ACSF3: variants seen among roughly 807,000 people sequenced by gnomAD.
The protein encoded by ACSF3 is malonate--CoA ligase ACSF3, mitochondrial.
Under a neutral mutation model 53.2 loss-of-function variants are expected in ACSF3, and 78 were observed. The ratio of observed to expected loss-of-function variants is 1.47; its 90% CI spans 1.22 to 1.77. The LOEUF (loss-of-function observed/expected upper bound fraction) is 1.77, where lower values mean the gene tolerates loss of function less well. ACSF3 is among the 40% of genes most tolerant of loss of function. ACSF3 has a pLI of 0.00. For missense variants in ACSF3, 937 were observed against 771.1 expected, an observed-to-expected ratio of 1.22 and a Z score of -2.55; for synonymous variants, 414 against 333.1, an observed-to-expected ratio of 1.24 and a Z score of -2.65.
At position 89,136,897 on chromosome 16, in the gene ACSF3, C is replaced by T. The variant is rs368249635; in HGVS notation, c.1366+3635C>T. The T allele has an allele frequency of 6.5e-5, 80 of 1,229,518 alleles. No individual in the cohort carries two copies. The East Asian group carries it at 2.3e-3, about 36-fold the overall frequency. The allele number at this position is 1,229,518 out of a possible 1,614,324, so 76.2% of individuals were successfully genotyped here. ...GGTCTGTCTCAGGTAACTCCTCTGA[C>T]GGCCACAACGATGTCTTCAGACGTC... is the stretch of plus-strand genomic sequence containing the variant. On this transcript the variant is annotated intron_variant, in intron 8 of 10. Transcript: ENST00000614302.
At chr16:89,099,687 C>A (rs1049761339) in intron 2 of ACSF3, among the ~76,000 whole-genome samples, 7 of 151,990 alleles carry the variant, frequency 4.6e-5, no homozygotes, top group African/African-American at 1.7e-4. Flanking sequence ...GAGGCTGAGG[C>A]AGGAGAATCA....
intron 4 of ACSF3, among the ~76,000 whole-genome samples, chr16:89,106,174 G>T (rs1975958827): frequency 6.6e-6 from 1 of 152,258 alleles, no homozygotes; most frequent in Admixed American, 6.5e-5. Context: ...AGACACTGCA[G>T]ACTGGCTCAT....
chr16:89,103,184 C>T (rs777295722), intron 4 of ACSF3, among the ~76,000 whole-genome samples: 19 of 152,232 alleles, frequency 1.2e-4, no homozygotes, highest in Non-Finnish European at 2.8e-4. Context: ...TCATTGAAAC[C>T]GTGAATAGTG....
chr16:89,132,957 G>A (rs1005234789), intron 7 of ACSF3, among the ~76,000 whole-genome samples, 179 bp from the exon 8 acceptor site: 1 of 152,252 alleles, frequency 6.6e-6, no homozygotes, highest in Non-Finnish European at 1.5e-5. Context: ...AGCTCAGCAT[G>A]GTTGGCTTCC....
chr16:89,144,814 GAA>G (rs1567745084), intron 8 of ACSF3, among the ~76,000 whole-genome samples: 5 of 152,212 alleles, frequency 3.3e-5, no homozygotes, highest in Non-Finnish European at 7.4e-5. Context: ...TTGTTGCTCA[GAA>G]AAGGCCACGC....
At chr16:89,127,669 G>T (rs1021637063) in intron 7 of ACSF3, among the ~76,000 whole-genome samples, 1 of 151,956 alleles carries the variant, frequency 6.6e-6, no homozygotes, top group African/African-American at 2.4e-5. Context: ...CCCTACCAAC[G>T]TTTCTTTTTT....
chr16:89,106,795 C>A (rs542400552), intron 4 of ACSF3, among the ~76,000 whole-genome samples: 1 of 152,206 alleles, frequency 6.6e-6, no homozygotes, highest in African/African-American at 2.4e-5. Flanking sequence ...CAGACACCTG[C>A]GGTGGTGCTG....
intron 1 of ACSF3, among the ~76,000 whole-genome samples, chr16:89,096,988 G>A (rs1194037944): frequency 1.3e-5 from 2 of 150,286 alleles, no homozygotes; most frequent in African/African-American, 5.1e-5. Flanking sequence ...TGCACTTTGA[G>A]TTTGCCCAGC....
intron 10 of ACSF3, chr16:89,152,992 G>C (rs1189773228): frequency 2.6e-5 from 4 of 152,332 alleles, no homozygotes; most frequent in Admixed American, 2.6e-4. Flanking sequence ...GGGCTGGGCC[G>C]ACTCCCACCT....
intron 6 of ACSF3, among the ~76,000 whole-genome samples, chr16:89,120,128 G>A (rs536617954): frequency 1.3e-5 from 2 of 152,358 alleles, no homozygotes; most frequent in Admixed American, 1.3e-4. Context: ...TGCGTGTGCC[G>A]GCGGGACACG....
intron 2 of ACSF3, among the ~76,000 whole-genome samples, chr16:89,099,080 G>A (rs541974568): frequency 2.0e-5 from 3 of 152,362 alleles, no homozygotes; most frequent in Non-Finnish European, 2.9e-5. Flanking sequence ...ACTGTGAGTC[G>A]AGCAAAGCTT....
At chr16:89,136,906 C>T (rs1025180484) in intron 8 of ACSF3, 12 of 1,224,348 alleles carry the variant, frequency 9.8e-6, no homozygotes, top group South Asian at 1.4e-5. Context: ...ACGGCCACAA[C>T]GATGTCTTCA....
chr16:89,117,371 C>G (rs1273348587), intron 6 of ACSF3, among the ~76,000 whole-genome samples: 1 of 152,176 alleles, frequency 6.6e-6, no homozygotes, highest in Non-Finnish European at 1.5e-5. Context: ...GTGACCTCTT[C>G]AATGGCCCTC....
At chr16:89,111,588 C>T (rs1302792426) in intron 4 of ACSF3, among the ~76,000 whole-genome samples, 2 of 152,266 alleles carry the variant, frequency 1.3e-5, no homozygotes, top group African/African-American at 4.8e-5. Context: ...ACGCGAGAAC[C>T]CGCTAACGAG....
intron 10 of ACSF3, chr16:89,147,883 T>C (rs536702860): frequency 6.6e-6 from 1 of 152,136 alleles, no homozygotes; most frequent in African/African-American, 2.4e-5. Flanking sequence ...AAGTCCACAG[T>C]CCAAAGTCTC....
In ACSF3 at chr16:89,114,453, G is replaced by C. The variant is rs775808630; in HGVS notation, c.1092G>C (p.Leu364=). 9.9e-6 allele frequency: 16 copies of C among 1,613,206 alleles called. No individual in the cohort carries two copies. The highest frequency in any genetic ancestry group is 8.3e-5 in the Admixed American group (5 of 60,014). ...GCATGACCGAGATCGGCATGGCTCT[G>C]TCCGGGCCCCTGACCACTGCCGTGC... is the stretch of plus-strand genomic sequence containing the variant. ...RYGMTEIGMA[L]SGPLTTAVRL... The change falls in exon 6 of 11, where the codon CTG becomes CTC. Residue 364 remains leucine (L), a synonymous_variant. Transcript: ENST00000614302.
rs575978814 is a variant in ACSF3, at chr16:89,098,762, G to C, written c.-22G>C. 80 of 454,050 alleles carry C rather than the reference G, an allele frequency of 1.8e-4. No individual in the cohort carries two copies. The highest frequency in any genetic ancestry group is 4.7e-4 in the South Asian group (30 of 64,488). The allele number at this position is 454,050 out of a possible 1,614,324, so 28.1% of individuals were successfully genotyped here. On this transcript the variant is annotated splice_region_variant and 5_prime_UTR_variant, in exon 2 of 11. Transcript: ENST00000614302. ...ACCTCCTCTCTCTGGCTCGGGAGCT[G>C]GGTGAGTTTGAACTTGGCCTCCTTT...
rs1384948798 is a variant in ACSF3 at position 89,102,764 on chromosome 16, G to T, written c.822+5G>T. 3 of 1,603,766 alleles carry T rather than the reference G, an allele frequency of 1.9e-6. No individual in the cohort carries two copies. Among genetic ancestry groups the T allele is most frequent in the Non-Finnish European group, 2.6e-6 (3 of 1,174,734 alleles). On this transcript the variant is annotated splice_donor_5th_base_variant and intron_variant, in intron 4 of 10. Coordinates refer to ENST00000614302, the MANE Select transcript of ACSF3 (RefSeq NM_001243279.3). ...CCTGAGTTCAGCCCTCAGCAGGTGA[G>T]TTGGGGTCAGGGCTCTCGGTTGCAC...
At chr16:89,133,954 C>G (rs1436986567) in intron 8 of ACSF3, among the ~76,000 whole-genome samples, 1 of 152,196 alleles carries the variant, frequency 6.6e-6, no homozygotes, top group Admixed American at 6.5e-5. Context: ...CTGAGCCTGC[C>G]CTGAGCTGCT....
Sources: allele counts gnomAD v4.1 joint callset (sites outside exome capture counted in the v4.1 genomes callset), GRCh38; gene constraint gnomAD v4.1.1; transcripts MANE v1.5; gene names NCBI Gene and HGNC (gene_info 2026-07-23, HGNC 2026-07-21).